Variants in SCML2 observed in about 807,000 individuals in gnomAD.
SCML2 encodes Scm polycomb group protein like 2.
A neutral mutation model predicts 48.4 loss-of-function variants in SCML2; 6 were observed. The observed-to-expected ratio is 0.12, with a 90% CI of 0.07 to 0.24. The LOEUF is 0.24. Ranked by LOEUF, SCML2 falls within the 10% of genes least tolerant of loss-of-function variation. The probability of loss-of-function intolerance (pLI) is 1.00; values close to 1 mark genes in which losing one functional copy is unlikely to be tolerated. For missense variants in SCML2, 377 were observed against 528.2 expected (o/e 0.71, Z 2.81); for synonymous variants, 181 against 189.5 (o/e 0.95, Z 0.37).
intron 7 of SCML2, among the ~76,000 whole-genome samples, chrX:18,280,616 C>T (rs1927799503): frequency 9.0e-6 from 1 of 111,698 alleles, no homozygotes; most frequent in African/African-American, 3.3e-5. Context: ...CCTCAAGACA[C>T]CCATCTTACA....
chrX:18,257,110 T>C, intron 10 of SCML2, 80 bp from the exon 11 acceptor site: 1 of 614,101 alleles, frequency 1.6e-6, no homozygotes, highest in Non-Finnish European at 2.4e-6. Flanking sequence ...AACTATCACC[T>C]TAGGAAAGGT....
chrX:18,254,948 G>T (rs5909170), intron 11 of SCML2, among the ~76,000 whole-genome samples: 17,444 of 109,944 alleles, frequency 0.16, 1,243 homozygotes, highest in Middle Eastern at 0.29. Context: ...TCAGGAAATT[G>T]TACTCTCAAC....
chrX:18,298,258 G>A, intron 7 of SCML2, among the ~76,000 whole-genome samples: 1 of 110,958 alleles, frequency 9.0e-6, no homozygotes, highest in Non-Finnish European at 1.9e-5. Flanking sequence ...CACAGAAATA[G>A]AAAAAACAAT....
intron 7 of SCML2, among the ~76,000 whole-genome samples, chrX:18,299,517 C>CAA (rs750111438): frequency 2.7e-4 from 24 of 89,622 alleles, no homozygotes; most frequent in African/African-American, 8.1e-4. Context: ...GACTCCGTCT[C>CAA]AAAAAAAAAA....
At chrX:18,250,108 C>CA (rs200682182) in intron 11 of SCML2, among the ~76,000 whole-genome samples, 22,575 of 99,108 alleles carry the variant, frequency 0.23, 1,909 homozygotes, top group Middle Eastern at 0.36. Context: ...CAGTTTTCAA[C>CA]AAAAAAAAAA....
intron 1 of SCML2, among the ~76,000 whole-genome samples, chrX:18,339,667 T>A (rs1222852774): frequency 9.0e-6 from 1 of 111,704 alleles, no homozygotes; most frequent in Non-Finnish European, 1.9e-5. Context: ...TGAGTTATGA[T>A]CACACCACCA....
intron 3 of SCML2, among the ~76,000 whole-genome samples, chrX:18,326,033 G>A (rs1929468450): frequency 8.9e-6 from 1 of 112,061 alleles, no homozygotes; most frequent in African/African-American, 3.2e-5. Flanking sequence ...CTGACTGACA[G>A]CGTTTGCAGA....
intron 7 of SCML2, among the ~76,000 whole-genome samples, chrX:18,299,828 C>T (rs1203521120): frequency 9.2e-6 from 1 of 108,984 alleles, no homozygotes; most frequent in Non-Finnish European, 1.9e-5. Flanking sequence ...ATCTCTTAGC[C>T]CCAGGGCTCA....
intron 7 of SCML2, among the ~76,000 whole-genome samples, chrX:18,280,647 C>A (rs914405564): frequency 4.5e-5 from 5 of 111,126 alleles, no homozygotes; most frequent in African/African-American, 1.6e-4. Flanking sequence ...CTCATAGGCT[C>A]AAAGTAAAAG....
At position 18,240,741 on chromosome X, in the gene SCML2, C is replaced by T. The variant is rs940763187; in HGVS notation, c.*510G>A. The stretch of plus-strand genomic sequence containing the variant: ...CTGATAGAACATGAACAGAACACCA[C>T]AGAGTATCACACAAAATATCTGAGA... On this transcript the variant is annotated 3_prime_UTR_variant, in exon 15 of 15. Coordinates refer to ENST00000251900, the MANE Select transcript of SCML2 (RefSeq NM_006089.3). 2.7e-5 allele frequency: 3 copies of T among 112,515 alleles called. No individual in the cohort carries two copies. Among genetic ancestry groups the T allele is most frequent in the African/African-American group, 9.7e-5 (3 of 30,834 alleles). 9.3% of individuals were successfully genotyped at this position (112,515 alleles called of 1,213,427 possible). A position where few individuals can be genotyped will look rare whatever the true frequency, so the allele number is the denominator to read the frequency against.
At chrX:18,280,448 A>G (rs1927791446) in intron 7 of SCML2, among the ~76,000 whole-genome samples, 1 of 112,183 alleles carries the variant, frequency 8.9e-6, no homozygotes, top group African/African-American at 3.2e-5. Flanking sequence ...TAAAGCAAGT[A>G]TGCAATTAAG....
At chrX:18,342,462 A>T (rs1930047707) in intron 1 of SCML2, among the ~76,000 whole-genome samples, 1 of 112,282 alleles carries the variant, frequency 8.9e-6, no homozygotes, top group South Asian at 3.6e-4. Context: ...CTGTAATCCC[A>T]GCACTTTGGG....
intron 1 of SCML2, among the ~76,000 whole-genome samples, chrX:18,353,638 T>C (rs755492281): frequency 8.9e-6 from 1 of 112,789 alleles, no homozygotes; most frequent in Non-Finnish European, 1.9e-5. Flanking sequence ...GCTTGACAAA[T>C]GTTTAACAAC....
At chrX:18,349,814 A>T (rs748772518) in intron 1 of SCML2, among the ~76,000 whole-genome samples, 56 of 112,069 alleles carry the variant, frequency 5.0e-4, no homozygotes, top group Non-Finnish European at 9.0e-4. Flanking sequence ...AACAAACAAA[A>T]AAAAACCCAG....
chrX:18,297,210 T>C (rs1402799683), intron 7 of SCML2, among the ~76,000 whole-genome samples: 2 of 111,788 alleles, frequency 1.8e-5, no homozygotes, highest in African/African-American at 6.5e-5. Flanking sequence ...CTCAACAAAC[T>C]AGGCACAGAA....
At chrX:18,350,977 T>C (rs1313571145) in intron 1 of SCML2, among the ~76,000 whole-genome samples, 1 of 110,825 alleles carries the variant, frequency 9.0e-6, no homozygotes, top group Non-Finnish European at 1.9e-5. Flanking sequence ...TCCTTCAAAA[T>C]TACCAACACG....
intron 8 of SCML2, among the ~76,000 whole-genome samples, chrX:18,260,992 T>C (rs1039897944): frequency 1.8e-5 from 2 of 109,297 alleles, no homozygotes; most frequent in Non-Finnish European, 3.8e-5. Context: ...GAAAAGGTAA[T>C]AACAGAGGGC....
Position 18,241,047 on chromosome X carries a change from A to C in SCML2, c.*204T>G, listed in dbSNP as rs372965508. 3 of 253,300 alleles carry C rather than the reference A, an allele frequency of 1.2e-5. No individual in the cohort carries two copies. The highest frequency in any genetic ancestry group is 1.3e-4 in the East Asian group (2 of 15,237). 20.9% of individuals were successfully genotyped at this position (253,300 alleles called of 1,213,427 possible). A position where few individuals can be genotyped will look rare whatever the true frequency, so the allele number is the denominator to read the frequency against. On this transcript the variant is annotated 3_prime_UTR_variant, in exon 15 of 15. Coordinates refer to ENST00000251900, the MANE Select transcript of SCML2 (RefSeq NM_006089.3). ...GCTTTTTAAAGAAGTAGACTGGGGGAGTGGCGGCTGTGTCTCCCAAAGCTG... is the reference window on the plus strand; with the variant it reads ...GCTTTTTAAAGAAGTAGACTGGGGGCGTGGCGGCTGTGTCTCCCAAAGCTG...
chrX:18,282,789 T>C (rs1417271015), intron 7 of SCML2, among the ~76,000 whole-genome samples: 1 of 111,309 alleles, frequency 9.0e-6, no homozygotes, highest in Admixed American at 9.6e-5. Flanking sequence ...GCTCTGAAAT[T>C]GAATCAGTAA....
Sources: allele counts gnomAD v4.1 joint callset (sites outside exome capture counted in the v4.1 genomes callset), GRCh38; gene constraint gnomAD v4.1.1; transcripts MANE v1.5; gene names NCBI Gene and HGNC (gene_info 2026-07-23, HGNC 2026-07-21).